XKR4: variants seen among roughly 807,000 people sequenced by gnomAD.
XKR4 encodes the protein XK-related protein 4.
A neutral mutation model predicts 53.9 loss-of-function variants in XKR4; 12 were observed. That is an observed-to-expected ratio of 0.22 (90% CI 0.14 to 0.36). XKR4 has a LOEUF of 0.36. Among genes scored for constraint, XKR4 ranks in the 10% least tolerant of loss-of-function variants. The pLI, the probability that XKR4 is intolerant of heterozygous loss-of-function variation, is 1.00. For synonymous variants in XKR4, 354 were observed against 362.4 expected (o/e 0.98, Z 0.26); for missense variants, 799 against 859.5 (o/e 0.93, Z 0.88).
chr8:55,135,307 G>T (rs1201864258), intron 1 of XKR4: 2 of 184,002 alleles, frequency 1.1e-5, no homozygotes, highest in Non-Finnish European at 2.4e-5. Context: ...CAATTGTGAT[G>T]CACAGTTTTT....
rs140102341 is a variant in XKR4, at chr8:55,255,040, CA to C, written c.807-102634del. Among the ~76,000 whole-genome samples, 1,500 of 152,298 alleles carry C rather than the reference CA, an allele frequency of 9.8e-3. 20 individuals are homozygous for C. Among genetic ancestry groups the C allele is most frequent in the Middle Eastern group, 0.031 (9 of 294 alleles). On this transcript the variant is annotated intron_variant, in intron 1 of 2. Transcript: ENST00000327381. ...GCACCGAATTTAAGCTAAAGCCAAG[CA>C]AAACAAATAGGCTTTTAATTATTCT...
rs191716300 is a variant in XKR4 at position 55,438,830 on chromosome 8, G to A, written c.1006+80953G>A. Among the ~76,000 whole-genome samples, 5 of 152,244 alleles carry A rather than the reference G, an allele frequency of 3.3e-5. No homozygotes were observed. The East Asian group carries it at 9.7e-4, about 29-fold the overall frequency. ...AGGACAAGAGAGGCTATAAACAACAGGAAAGCACTATCTGGAGCAACAAGT... is the reference window on the plus strand; with the variant it reads ...AGGACAAGAGAGGCTATAAACAACAAGAAAGCACTATCTGGAGCAACAAGT... On this transcript the variant is annotated intron_variant, in intron 2 of 2. Coordinates refer to ENST00000327381, the MANE Select transcript of XKR4 (RefSeq NM_052898.2).
intron 2 of XKR4, among the ~76,000 whole-genome samples, chr8:55,489,123 C>A (rs1017222172): frequency 6.6e-6 from 1 of 151,982 alleles, no homozygotes; most frequent in Non-Finnish European, 1.5e-5. Context: ...GAAGAGTAAA[C>A]CCTAATGTAA....
chr8:55,308,788 C>T (rs1412170808), intron 1 of XKR4, among the ~76,000 whole-genome samples: 1 of 152,182 alleles, frequency 6.6e-6, no homozygotes, highest in Non-Finnish European at 1.5e-5. Context: ...ATGCCCCTCT[C>T]AAAGATGTCC....
At chr8:55,305,334 G>A (rs930418180) in intron 1 of XKR4, among the ~76,000 whole-genome samples, 3 of 152,130 alleles carry the variant, frequency 2.0e-5, no homozygotes, top group East Asian at 3.9e-4. Flanking sequence ...TATGTGGCAG[G>A]GTGGGCCCCA....
At chr8:55,215,212 A>G (rs2129364366) in intron 1 of XKR4, among the ~76,000 whole-genome samples, 1 of 152,326 alleles carries the variant, frequency 6.6e-6, no homozygotes, top group Admixed American at 6.5e-5. Flanking sequence ...GGAACCCTGT[A>G]GGGCTTACTA....
chr8:55,461,129 G>C (rs563665507), intron 2 of XKR4, among the ~76,000 whole-genome samples: 2 of 152,296 alleles, frequency 1.3e-5, no homozygotes, highest in South Asian at 4.2e-4. Context: ...GAGAGTAGTG[G>C]TTCTCTCAGC....
At chr8:55,223,179 G>A (rs896121186) in intron 1 of XKR4, among the ~76,000 whole-genome samples, 37 of 152,208 alleles carry the variant, frequency 2.4e-4, no homozygotes, top group Admixed American at 1.4e-3. Flanking sequence ...ATGTCTTTAT[G>A]TCTGTCATTC....
rs139342218 is a variant in XKR4 at position 55,455,189 on chromosome 8, C to A, written c.1007-68092C>A. 1,144 of 482,028 alleles carry A rather than the reference C, an allele frequency of 2.4e-3. 10 individuals are homozygous for A. The highest frequency in any genetic ancestry group is 0.02 in the African/African-American group (996 of 50,746). The allele number at this position is 482,028 out of a possible 1,614,324, so 29.9% of individuals were successfully genotyped here. ...GCGGCTCGGGGACTCGAGGGCTGCG[C>A]GCTCATGGCCCGGGCCTGGCCCTGG... On this transcript the variant is annotated intron_variant, in intron 2 of 2. Transcript: ENST00000327381.
chr8:55,340,988 G>A (rs116635607), intron 1 of XKR4, among the ~76,000 whole-genome samples: 253 of 152,236 alleles, frequency 1.7e-3, no homozygotes, highest in African/African-American at 5.8e-3. Context: ...GGAAAATTAG[G>A]AACCATTCTG....
At chr8:55,407,936 G>C (rs562924484) in intron 2 of XKR4, among the ~76,000 whole-genome samples, 1 of 152,154 alleles carries the variant, frequency 6.6e-6, no homozygotes, top group Non-Finnish European at 1.5e-5. Context: ...CTAGGGCAAC[G>C]GATTTCATTT....
chr8:55,451,863 G>GGACGGGGTCAGTGTGCT, intron 2 of XKR4: 1 of 870,158 alleles, frequency 1.1e-6, no homozygotes, highest in South Asian at 1.4e-5. Context: ...TCAAGGCTGA[G>GGACGGGGTCAGTGTGCT]GACGGGGTCA....
rs578247546 is a variant in XKR4, at chr8:55,179,659, C to T, written c.806+76365C>T. 3.2e-4 allele frequency among the ~76,000 whole-genome samples: 48 copies of T among 152,236 alleles called. 1 individual carries two copies. In the South Asian group the frequency reaches 8.7e-3, roughly 28 times the overall value. ...GTAGAGTATTTATTCTCTATGTTCTCGCTGAGAAATTGTCTAAGTCGATTT... is the reference window on the plus strand; with the variant it reads ...GTAGAGTATTTATTCTCTATGTTCTTGCTGAGAAATTGTCTAAGTCGATTT... On this transcript the variant is annotated intron_variant, in intron 1 of 2. Coordinates refer to ENST00000327381, the MANE Select transcript of XKR4 (RefSeq NM_052898.2).
At chr8:55,435,083 T>A (rs533085768) in intron 2 of XKR4, among the ~76,000 whole-genome samples, 8 of 152,236 alleles carry the variant, frequency 5.3e-5, no homozygotes, top group African/African-American at 1.7e-4. Context: ...GAAACAGAGG[T>A]CTTGGCTGGT....
At chr8:55,133,080 A>G (rs1470647908) in intron 1 of XKR4, among the ~76,000 whole-genome samples, 5 of 152,138 alleles carry the variant, frequency 3.3e-5, no homozygotes, top group African/African-American at 1.2e-4. Context: ...AGAGAGAGAA[A>G]TGCATTTTTG....
chr8:55,475,834 C>T (rs1475386828), intron 2 of XKR4, among the ~76,000 whole-genome samples: 1 of 151,864 alleles, frequency 6.6e-6, no homozygotes, highest in Admixed American at 6.6e-5. Context: ...AACTCCTGAC[C>T]TTGTGATCCA....
At chr8:55,296,636 A>G (rs1819104928) in intron 1 of XKR4, among the ~76,000 whole-genome samples, 1 of 152,150 alleles carries the variant, frequency 6.6e-6, no homozygotes, top group African/African-American at 2.4e-5. Flanking sequence ...CAAGGAACCA[A>G]TTATGCATAA....
chr8:55,501,178 C>T (rs1237508947), intron 2 of XKR4, among the ~76,000 whole-genome samples: 2 of 152,098 alleles, frequency 1.3e-5, no homozygotes, highest in African/African-American at 4.8e-5. Flanking sequence ...GTATCTGGTG[C>T]CAAATTAGTA....
In XKR4 at chr8:55,102,982, G is replaced by T. The variant is rs771227530; in HGVS notation, c.494G>T (p.Arg165Leu). 2 of 1,611,804 alleles carry T rather than the reference G, an allele frequency of 1.2e-6. No homozygotes were observed. Among genetic ancestry groups the T allele is most frequent in the East Asian group, 2.2e-5 (1 of 44,870 alleles). Residue 165 changes from arginine (R) to leucine (L), a missense_variant, in exon 1 of 3, where the codon CGC becomes CTC. This residue lies in a region of XKR4 where 476 missense variants were observed against 505.4 expected (regional missense o/e 0.94). Transcript: ENST00000327381. This position sits in a 1 kb window ranked among gnomAD's most constrained non-coding sequence, Gnocchi z 5.1. ...CTGTCGGTGCAAGTGTTCAGCTTCC[G>T]CTGGTTTGTGCACGATTTCAGCACC... Reference protein sequence around the residue: ...GSLSVQVFSFRWFVHDFSTED... With the variant: ...GSLSVQVFSFLWFVHDFSTED...
Sources: gnomAD v4.1 joint callset for allele counts (sites outside exome capture counted in the v4.1 genomes callset) on GRCh38, gnomAD v4.1.1 for gene constraint, gnomAD v4.1.1 regional missense constraint, Gnocchi (gnomAD v3.1) non-coding constraint, MANE v1.5 for transcripts, NCBI Gene and HGNC (gene_info 2026-07-23, HGNC 2026-07-21) for gene names.